The following RAPGEF5 variants were observed in gnomAD, a reference collection of about 807,000 sequenced individuals.
RAPGEF5 encodes the protein M-Ras-regulated GEF.
Under a neutral mutation model 125.2 loss-of-function variants are expected in RAPGEF5, and 65 were observed. That is an observed-to-expected ratio of 0.52 (90% CI 0.43 to 0.64). The LOEUF (loss-of-function observed/expected upper bound fraction) is 0.64, where lower values mean the gene tolerates loss of function less well. Among genes scored for constraint, RAPGEF5 ranks in the 30% least tolerant of loss-of-function variants. The probability of loss-of-function intolerance (pLI) is 0.00; values close to 1 mark genes in which losing one functional copy is unlikely to be tolerated. For missense variants in RAPGEF5, 958 were observed against 1,048.1 expected (o/e 0.91, Z 1.19); for synonymous variants, 391 against 385.9 (o/e 1.01, Z -0.16).
chr7:22,356,354 G>T, intron 1 of RAPGEF5: 1 of 709,834 alleles, frequency 1.4e-6, no homozygotes, highest in South Asian at 6.4e-5. Context: ...GCCCCTCGGC[G>T]GTGGAGACCA....
intron 19 of RAPGEF5, 66 bp downstream of exon 19, chr7:22,146,831 A>G: frequency 6.5e-7 from 1 of 1,539,378 alleles, no homozygotes; most frequent in Non-Finnish European, 8.8e-7. Context: ...GCACGCATTG[A>G]TATTCTTCAC....
At chr7:22,280,772 T>C (rs1782657088) in intron 6 of RAPGEF5, among the ~76,000 whole-genome samples, 1 of 152,232 alleles carries the variant, frequency 6.6e-6, no homozygotes, top group Admixed American at 6.5e-5. Context: ...TTCCTTGTTT[T>C]ATGTCTGGGA....
At chr7:22,262,122 C>CT (rs1369691818) in intron 7 of RAPGEF5, among the ~76,000 whole-genome samples, 1 of 152,014 alleles carries the variant, frequency 6.6e-6, no homozygotes, top group African/African-American at 2.4e-5. Context: ...AAAAGACAAG[C>CT]TACAGACTAG....
intron 9 of RAPGEF5, among the ~76,000 whole-genome samples, chr7:22,205,515 G>T (rs147073258): frequency 2.0e-5 from 3 of 152,130 alleles, no homozygotes; most frequent in Admixed American, 6.5e-5. Flanking sequence ...GGGGATAAAA[G>T]TTCAAATAAA....
chr7:22,316,990 A>C (rs972685496), intron 2 of RAPGEF5, among the ~76,000 whole-genome samples: 8 of 151,992 alleles, frequency 5.3e-5, no homozygotes, highest in East Asian at 1.9e-4. Context: ...AAAAAAAAAA[A>C]AACAAAGCTT....
At position 22,187,796 on chromosome 7, in the gene RAPGEF5, A is replaced by G. The variant is rs576212547; in HGVS notation, c.1204+5571T>C. Among the ~76,000 whole-genome samples the G allele has an allele frequency of 2.0e-5, 3 of 152,332 alleles. No homozygotes were observed. In the South Asian group the frequency reaches 6.2e-4, roughly 32 times the overall value. On this transcript the variant is annotated intron_variant, in intron 11 of 25. Coordinates refer to ENST00000665637, the MANE Select transcript of RAPGEF5 (RefSeq NM_012294.5). ...GAACGTTGTTCCTAACTCTCTGTAT[A>G]TCTATAACCAATAGAAACCTAGAAT...
At chr7:22,158,122 C>T (rs1783871493) in intron 14 of RAPGEF5, among the ~76,000 whole-genome samples, 3 of 152,200 alleles carry the variant, frequency 2.0e-5, no homozygotes, top group Non-Finnish European at 4.4e-5. Flanking sequence ...CTTCTACCCA[C>T]AGAAAGTAAA....
intron 6 of RAPGEF5, among the ~76,000 whole-genome samples, chr7:22,269,897 G>C (rs1231234875): frequency 6.6e-6 from 1 of 152,144 alleles, no homozygotes; most frequent in Non-Finnish European, 1.5e-5. Flanking sequence ...TAACATGTGG[G>C]GGATCAGTCA....
chr7:22,137,067 G>C, intron 21 of RAPGEF5, 84 bp from the exon 22 acceptor site: 1 of 975,556 alleles, frequency 1.0e-6, no homozygotes, highest in Non-Finnish European at 1.6e-6. Context: ...TCATTACGTT[G>C]TTTATCTGTG....
At chr7:22,189,633 A>G (rs970208949) in intron 11 of RAPGEF5, among the ~76,000 whole-genome samples, 1 of 152,150 alleles carries the variant, frequency 6.6e-6, no homozygotes, top group African/African-American at 2.4e-5. Context: ...TTCCTCTAAC[A>G]TTTCAAAATA....
intron 1 of RAPGEF5, chr7:22,356,245 C>A: frequency 1.0e-6 from 1 of 985,440 alleles, no homozygotes; most frequent in Non-Finnish European, 1.2e-6. Context: ...TGGGGGCGTG[C>A]ACCCTCCTGC....
chr7:22,200,181 G>A (rs898643792), intron 9 of RAPGEF5, among the ~76,000 whole-genome samples: 2 of 151,780 alleles, frequency 1.3e-5, no homozygotes, highest in Non-Finnish European at 2.9e-5. Flanking sequence ...TGTGGGTACA[G>A]CAGAATTATA....
At chr7:22,248,853 T>C (rs1786546864) in intron 7 of RAPGEF5, among the ~76,000 whole-genome samples, 1 of 152,168 alleles carries the variant, frequency 6.6e-6, no homozygotes, top group Non-Finnish European at 1.5e-5. Context: ...TGGCAAATTG[T>C]ATGGGTCATG....
chr7:22,290,484 G>A (rs535515654), intron 6 of RAPGEF5, among the ~76,000 whole-genome samples: 1 of 152,244 alleles, frequency 6.6e-6, no homozygotes, highest in East Asian at 1.9e-4. Flanking sequence ...GGTGGCTCAC[G>A]CCTGTAATCC....
intron 5 of RAPGEF5, among the ~76,000 whole-genome samples, chr7:22,295,432 G>T (rs1182608148): frequency 3.3e-5 from 5 of 152,112 alleles, no homozygotes; most frequent in African/African-American, 9.7e-5. Context: ...TATTTAATTA[G>T]ATGGCTCAAT....
chr7:22,355,795 ACTCT>A (rs1468095985), intron 1 of RAPGEF5, among the ~76,000 whole-genome samples: 1 of 152,034 alleles, frequency 6.6e-6, no homozygotes, highest in East Asian at 1.9e-4. Context: ...GTTATCCCTC[ACTCT>A]CAAGTTTACA....
Position 22,129,002 on chromosome 7 carries a change from TA to T in RAPGEF5, c.2481+2034del, listed in dbSNP as rs991792112. Among the ~76,000 whole-genome samples the T allele has an allele frequency of 3.7e-4, 56 of 152,260 alleles. 1 individual carries two copies. The highest frequency in any genetic ancestry group is 1.7e-3 in the Admixed American group (26 of 15,292). Reference sequence around the variant, plus strand: ...CCTCCTTCATTTCCAGCCCTATGGTTAGTTGGCAGTCTTGGCATATTTGAGA... The same window carrying T: ...CCTCCTTCATTTCCAGCCCTATGGTTGTTGGCAGTCTTGGCATATTTGAGA... On this transcript the variant is annotated intron_variant, in intron 24 of 25. Transcript: ENST00000665637.
chr7:22,297,908 G>A (rs916328268), intron 5 of RAPGEF5, among the ~76,000 whole-genome samples: 3 of 152,102 alleles, frequency 2.0e-5, no homozygotes, highest in Non-Finnish European at 2.9e-5. Context: ...AGTCTTATCA[G>A]ATTGAGGAAG....
chr7:22,136,260 G>C (rs1259035289), intron 22 of RAPGEF5, 135 bp from the exon 23 acceptor site: 1 of 579,572 alleles, frequency 1.7e-6, no homozygotes, highest in Non-Finnish European at 2.9e-6. Context: ...AGTAGATAAA[G>C]GTTTCCTAGG....
Sources: allele counts gnomAD v4.1 joint callset (sites outside exome capture counted in the v4.1 genomes callset), GRCh38; gene constraint gnomAD v4.1.1; transcripts MANE v1.5; gene names NCBI Gene and HGNC (gene_info 2026-07-23, HGNC 2026-07-21).